CSMD1: variants seen among roughly 807,000 people sequenced by gnomAD.
CSMD1 encodes the protein CUB and Sushi multiple domains 1, also known as CUB and sushi domain-containing protein 1.
CSMD1 carries 213 observed loss-of-function variants against 417.5 expected under a neutral mutation model. The observed-to-expected ratio is 0.51, with a 90% CI of 0.46 to 0.57. The LOEUF (loss-of-function observed/expected upper bound fraction) is 0.57, where lower values mean the gene tolerates loss of function less well. CSMD1 is among the 20% of genes least tolerant of loss of function. The pLI, the probability that CSMD1 is intolerant of heterozygous loss-of-function variation, is 0.00. For synonymous variants in CSMD1, 2,862 were observed against 1,736.8 expected, an observed-to-expected ratio of 1.65 and a Z score of -16.11; for missense variants, 6,923 against 4,529.7, an observed-to-expected ratio of 1.53 and a Z score of -15.17.
In CSMD1 at chr8:4,094,982, T is replaced by C. The variant is rs577178286; in HGVS notation, c.416-62883A>G. Among the ~76,000 whole-genome samples the C allele has an allele frequency of 1.4e-4, 22 of 152,264 alleles. No homozygotes were observed. In the East Asian group the frequency reaches 4.2e-3, roughly 29 times the overall value. On this transcript the variant is annotated intron_variant, in intron 3 of 69. Coordinates refer to ENST00000635120, the MANE Select transcript of CSMD1 (RefSeq NM_033225.6). ...GTGAATAAAGTATTCAATAATATAG[T>C]ATTATACAGGTGGACTAGAAATGGA...
chr8:3,876,218 C>A (rs1805805964), intron 5 of CSMD1, among the ~76,000 whole-genome samples: 2 of 152,052 alleles, frequency 1.3e-5, no homozygotes, highest in South Asian at 4.2e-4. Context: ...CTCCTCTCAC[C>A]CCTGATATCG....
intron 5 of CSMD1, among the ~76,000 whole-genome samples, chr8:3,938,693 G>C (rs1177253967): frequency 6.6e-6 from 1 of 152,158 alleles, no homozygotes; most frequent in African/African-American, 2.4e-5. Context: ...GGCAGGAGTT[G>C]ACTCTACAAC....
At chr8:3,788,669 G>T (rs143489043) in intron 5 of CSMD1, among the ~76,000 whole-genome samples, 1 of 152,190 alleles carries the variant, frequency 6.6e-6, no homozygotes, top group African/African-American at 2.4e-5. Context: ...AGACAAAAAT[G>T]TAAGTACCTC....
intron 12 of CSMD1, among the ~76,000 whole-genome samples, chr8:3,438,110 G>C (rs1489515991): frequency 6.6e-6 from 1 of 152,148 alleles, no homozygotes; most frequent in Non-Finnish European, 1.5e-5. Context: ...AAAATTATTT[G>C]AATATTCAGG....
chr8:4,840,490 G>A (rs571629311), intron 1 of CSMD1, among the ~76,000 whole-genome samples: 5 of 152,188 alleles, frequency 3.3e-5, no homozygotes, highest in African/African-American at 9.6e-5. Context: ...TGTTTTATTC[G>A]ATGAAGTAAA....
At chr8:3,900,907 C>T (rs1414817696) in intron 5 of CSMD1, among the ~76,000 whole-genome samples, 2 of 152,146 alleles carry the variant, frequency 1.3e-5, no homozygotes, top group Non-Finnish European at 2.9e-5. Context: ...TCTGAGTCCT[C>T]GTGCATCCAA....
chr8:4,554,232 G>A (rs886784344), intron 2 of CSMD1, among the ~76,000 whole-genome samples: 1 of 152,090 alleles, frequency 6.6e-6, no homozygotes, highest in Non-Finnish European at 1.5e-5. Flanking sequence ...TGCTTCCCGG[G>A]TTCAAGTGAT....
chr8:4,509,197 C>T (rs577564149), intron 2 of CSMD1, among the ~76,000 whole-genome samples: 2 of 152,152 alleles, frequency 1.3e-5, no homozygotes, highest in East Asian at 1.9e-4. Context: ...ATCATCCAAA[C>T]ATTATAAATT....
intron 23 of CSMD1, among the ~76,000 whole-genome samples, chr8:3,311,380 G>C (rs1805329670): frequency 6.6e-6 from 1 of 152,154 alleles, no homozygotes. Context: ...CTCCTGAATA[G>C]CTGGGACTAT....
At chr8:4,461,079 A>G (rs1327565588) in intron 2 of CSMD1, among the ~76,000 whole-genome samples, 1 of 150,658 alleles carries the variant, frequency 6.6e-6, no homozygotes, top group South Asian at 2.1e-4. Context: ...AGTGCTATTT[A>G]TCTCAGGAAT....
At chr8:3,905,740 G>A (rs186463814) in intron 5 of CSMD1, among the ~76,000 whole-genome samples, 11 of 152,224 alleles carry the variant, frequency 7.2e-5, no homozygotes, top group Admixed American at 2.6e-4. Context: ...TAATAGACTC[G>A]TCTTAAAATT....
At chr8:4,074,282 G>T (rs1293928546) in intron 3 of CSMD1, among the ~76,000 whole-genome samples, 3 of 152,008 alleles carry the variant, frequency 2.0e-5, no homozygotes, top group Non-Finnish European at 4.4e-5. Flanking sequence ...TCATGAAACG[G>T]TGTCAGCTAA....
intron 23 of CSMD1, among the ~76,000 whole-genome samples, chr8:3,330,822 G>A (rs1294089627): frequency 2.0e-5 from 3 of 152,108 alleles, no homozygotes; most frequent in African/African-American, 7.2e-5. Context: ...CATGGATATA[G>A]GAATGAATTA....
rs149727381 is a variant in CSMD1 at position 2,958,749 on chromosome 8, G to T, written c.9703-942C>A. Among the ~76,000 whole-genome samples the T allele has an allele frequency of 4.6e-5, 7 of 152,346 alleles. No individual in the cohort carries two copies. The East Asian group carries it at 1.2e-3, about 25-fold the overall frequency. ...AAGCTTGACTTATGAAGGCACATAA[G>T]TGCACCAAGTTAGCATCCAAAGATT... On this transcript the variant is annotated intron_variant, in intron 62 of 69. Coordinates refer to ENST00000635120, the MANE Select transcript of CSMD1 (RefSeq NM_033225.6).
intron 5 of CSMD1, among the ~76,000 whole-genome samples, chr8:3,778,056 A>G (rs1398767686): frequency 6.6e-6 from 1 of 152,332 alleles, no homozygotes; most frequent in Non-Finnish European, 1.5e-5. Flanking sequence ...CAGGCTGTCC[A>G]CGTCCCTCCA....
intron 23 of CSMD1, among the ~76,000 whole-genome samples, chr8:3,316,331 T>G (rs544497229): frequency 6.6e-6 from 1 of 152,104 alleles, no homozygotes; most frequent in Non-Finnish European, 1.5e-5. Context: ...GTAAAAAAAA[T>G]GTTTTCAAAT....
chr8:3,219,010 AT>A (rs1430299917), intron 29 of CSMD1, among the ~76,000 whole-genome samples: 1 of 152,172 alleles, frequency 6.6e-6, no homozygotes, highest in African/African-American at 2.4e-5. Flanking sequence ...ACCACAATTT[AT>A]TTTTATATGG....
intron 40 of CSMD1, among the ~76,000 whole-genome samples, chr8:3,145,555 G>A (rs749208825): frequency 3.9e-5 from 6 of 152,084 alleles, no homozygotes; most frequent in Non-Finnish European, 7.3e-5. Context: ...AATATTGTGA[G>A]CAAAATTACC....
chr8:3,772,867 G>C (rs571055101), intron 5 of CSMD1, among the ~76,000 whole-genome samples: 3 of 151,916 alleles, frequency 2.0e-5, no homozygotes, highest in African/African-American at 7.3e-5. Context: ...CATCCTTAGT[G>C]CATTCAGGGT....
Sources: allele counts gnomAD v4.1 joint callset (sites outside exome capture counted in the v4.1 genomes callset), GRCh38; gene constraint gnomAD v4.1.1; transcripts MANE v1.5; gene names NCBI Gene and HGNC (gene_info 2026-07-23, HGNC 2026-07-21).